Variants in TAFA1 observed in about 807,000 individuals in gnomAD.
TAFA1 encodes the protein TAFA chemokine like family member 1, also known as chemokine-like protein TAFA-1.
TAFA1 carries 4 observed loss-of-function variants against 18.5 expected under a neutral mutation model. That is an observed-to-expected ratio of 0.22 (90% CI 0.11 to 0.49). The LOEUF is 0.49. Ranked by LOEUF, TAFA1 falls within the 20% of genes least tolerant of loss-of-function variation. The probability of loss-of-function intolerance (pLI) is 0.98; values close to 1 mark genes in which losing one functional copy is unlikely to be tolerated. For missense variants in TAFA1, 147 were observed against 169.0 expected, an observed-to-expected ratio of 0.87 and a Z score of 0.72; for synonymous variants, 56 against 55.2, an observed-to-expected ratio of 1.01 and a Z score of -0.06.
chr3:68,454,787 C>A (rs1039984591), intron 3 of TAFA1, among the ~76,000 whole-genome samples: 2 of 152,180 alleles, frequency 1.3e-5, no homozygotes, highest in Non-Finnish European at 2.9e-5. Context: ...GTCCCTAAGG[C>A]CAACCCCCAG....
chr3:68,539,400 A>G (rs965353002), intron 4 of TAFA1, among the ~76,000 whole-genome samples: 18 of 151,772 alleles, frequency 1.2e-4, no homozygotes, highest in Non-Finnish European at 2.9e-5. Flanking sequence ...ATAAATAACA[A>G]TCTTCAGGGT....
intron 3 of TAFA1, among the ~76,000 whole-genome samples, chr3:68,479,239 A>T (rs866628487): frequency 4.3e-4 from 53 of 122,970 alleles, no homozygotes; most frequent in African/African-American, 1.8e-3. Context: ...CAAAAAAAAA[A>T]AAATATATAT....
chr3:68,513,108 T>C (rs2072873708), intron 3 of TAFA1, among the ~76,000 whole-genome samples: 1 of 152,126 alleles, frequency 6.6e-6, no homozygotes, highest in African/African-American at 2.4e-5. Context: ...ATGGTATCAA[T>C]GCCCAGGTTT....
upstream of TAFA1, among the ~76,000 whole-genome samples, chr3:68,003,235 C>A (rs551642211): frequency 9.2e-5 from 14 of 152,330 alleles, no homozygotes; most frequent in Admixed American, 7.8e-4. Flanking sequence ...CTAACTCTCT[C>A]ACTGTGTGTA....
chr3:68,386,637 G>C (rs188677886), intron 2 of TAFA1, among the ~76,000 whole-genome samples: 2 of 152,162 alleles, frequency 1.3e-5, no homozygotes, highest in African/African-American at 4.8e-5. Flanking sequence ...AGAACTGTTT[G>C]CCTTCACCAA....
At chr3:67,994,891 G>A in the TAFA1 span, among the ~76,000 whole-genome samples, 1 of 152,118 alleles carries the variant, frequency 6.6e-6, no homozygotes, top group African/African-American at 2.4e-5. Context: ...CTATAGGAAA[G>A]ACTTCTGGAA....
intron 2 of TAFA1, among the ~76,000 whole-genome samples, chr3:68,303,454 T>C (rs950815785): frequency 6.6e-6 from 1 of 152,054 alleles, no homozygotes; most frequent in Non-Finnish European, 1.5e-5. Flanking sequence ...TTTTTGTTTT[T>C]TTTTGAGACA....
intron 2 of TAFA1, among the ~76,000 whole-genome samples, chr3:68,411,269 C>T (rs1413750779): frequency 6.6e-6 from 1 of 152,166 alleles, no homozygotes; most frequent in African/African-American, 2.4e-5. Context: ...GTAAAAAACA[C>T]ATAGGAATGT....
At chr3:68,453,734 G>C (rs965198900) in intron 3 of TAFA1, among the ~76,000 whole-genome samples, 3 of 152,126 alleles carry the variant, frequency 2.0e-5, no homozygotes, top group Non-Finnish European at 2.9e-5. Flanking sequence ...TATTTGTCAG[G>C]GTGAATGCTC....
At chr3:68,016,316 T>G (rs1704569100) in intron 2 of TAFA1, among the ~76,000 whole-genome samples, 1 of 152,190 alleles carries the variant, frequency 6.6e-6, no homozygotes, top group Non-Finnish European at 1.5e-5. Flanking sequence ...TCCCATAAAA[T>G]TATAATACCA....
intron 3 of TAFA1, among the ~76,000 whole-genome samples, chr3:68,491,233 T>G (rs2072447068): frequency 6.6e-6 from 1 of 152,068 alleles, no homozygotes; most frequent in Admixed American, 6.6e-5. Context: ...TAAAGACACA[T>G]GCACACGTAT....
chr3:68,535,478 G>T (rs185923015), intron 3 of TAFA1, among the ~76,000 whole-genome samples: 1 of 151,620 alleles, frequency 6.6e-6, no homozygotes, highest in East Asian at 1.9e-4. Flanking sequence ...ATAATATTAC[G>T]TTGTCTTACA....
chr3:68,314,320 C>A (rs577864784), intron 2 of TAFA1, among the ~76,000 whole-genome samples: 1 of 152,268 alleles, frequency 6.6e-6, no homozygotes, highest in South Asian at 2.1e-4. Flanking sequence ...ATGTTCAGAA[C>A]TGAGCTTTAT....
Position 68,163,868 on chromosome 3 carries a change from A to T in TAFA1, c.118+157124A>T, listed in dbSNP as rs1003879559. On this transcript the variant is annotated intron_variant, in intron 2 of 4. Coordinates refer to ENST00000478136, the MANE Select transcript of TAFA1 (RefSeq NM_213609.4). The stretch of plus-strand genomic sequence containing the variant: ...TGTAACCAGTCAAACTCTGCCAGGG[A>T]ACTTGCTAAGGAACACACTTCCAGG... 3.3e-5 allele frequency among the ~76,000 whole-genome samples: 5 copies of T among 152,174 alleles called. No individual in the cohort carries two copies. In the East Asian group the frequency reaches 5.8e-4, roughly 18 times the overall value.
intron 3 of TAFA1, among the ~76,000 whole-genome samples, chr3:68,508,831 GT>G (rs1345325711): frequency 2.0e-5 from 3 of 152,038 alleles, no homozygotes; most frequent in African/African-American, 7.2e-5. Context: ...TATAGATAGA[GT>G]TCATAGGGCA....
intron 2 of TAFA1, among the ~76,000 whole-genome samples, chr3:68,396,724 G>C (rs1423036677): frequency 1.3e-5 from 2 of 152,140 alleles, no homozygotes; most frequent in South Asian, 2.1e-4. Flanking sequence ...CATATGCCTA[G>C]TAGAAGGATA....
intron 3 of TAFA1, among the ~76,000 whole-genome samples, chr3:68,465,316 T>A (rs989366607): frequency 2.0e-5 from 3 of 152,154 alleles, no homozygotes. Flanking sequence ...GATCACAGAT[T>A]AGAAAGACAG....
chr3:68,391,666 C>CA (rs1445409482), intron 2 of TAFA1, among the ~76,000 whole-genome samples: 2 of 152,184 alleles, frequency 1.3e-5, no homozygotes, highest in African/African-American at 4.8e-5. Context: ...GATCTCTCTG[C>CA]AGAAACCCTA....
At chr3:68,359,218 T>C (rs2106790127) in intron 2 of TAFA1, among the ~76,000 whole-genome samples, 1 of 152,164 alleles carries the variant, frequency 6.6e-6, no homozygotes. Flanking sequence ...GTCAATATTC[T>C]TAAAATCATG....
Sources: gnomAD v4.1 joint callset for allele counts (sites outside exome capture counted in the v4.1 genomes callset) on GRCh38, gnomAD v4.1.1 for gene constraint, MANE v1.5 for transcripts, NCBI Gene and HGNC (gene_info 2026-07-23, HGNC 2026-07-21) for gene names.